The following LONRF2 variants were observed in gnomAD, a reference collection of about 807,000 sequenced individuals.
The protein encoded by LONRF2 is LON peptidase N-terminal domain and ring finger 2.
LONRF2 carries 35 observed loss-of-function variants against 66.6 expected under a neutral mutation model. That is an observed-to-expected ratio of 0.53 (90% CI 0.40 to 0.70). The LOEUF (loss-of-function observed/expected upper bound fraction) is 0.70. Ranked by LOEUF, LONRF2 falls within the 30% of genes least tolerant of loss-of-function variation. The pLI is 0.00. For synonymous variants in LONRF2, 417 were observed against 418.1 expected (o/e 1.00, Z 0.03); for missense variants, 902 against 1,002.1 (o/e 0.90, Z 1.35).
Position 100,284,257 on chromosome 2 carries a change from A to G in LONRF2, c.*41T>C, listed in dbSNP as rs1287880275. 1.4e-6 allele frequency: 2 copies of G among 1,450,090 alleles called. No homozygotes were observed. The highest frequency in any genetic ancestry group is 1.8e-6 in the Non-Finnish European group (2 of 1,092,448). 89.8% of individuals were successfully genotyped at this position (1,450,090 alleles called of 1,614,324 possible). A position where few individuals can be genotyped will look rare whatever the true frequency, so the allele number is the denominator to read the frequency against. On this transcript the variant is annotated 3_prime_UTR_variant, in exon 12 of 12. Coordinates refer to ENST00000393437, the MANE Select transcript of LONRF2 (RefSeq NM_198461.4). ...CTATTCGTCCATGCCTGACATTTAT[A>G]AAAGCACAAGGGCTGCCAGAAACCT...
At position 100,321,476 on chromosome 2, in the gene LONRF2, G is replaced by A; in HGVS notation, c.618C>T (p.Ser206=). 2 of 1,514,404 alleles carry A rather than the reference G, an allele frequency of 1.3e-6. No individual in the cohort carries two copies. Among genetic ancestry groups the A allele is most frequent in the East Asian group, 2.7e-5 (1 of 36,576 alleles). The allele number at this position is 1,514,404 out of a possible 1,614,324, so 93.8% of individuals were successfully genotyped here. A position where few individuals can be genotyped will look rare whatever the true frequency, so the allele number is the denominator to read the frequency against. Residue 206 remains serine (S), a synonymous_variant, in exon 1 of 12, where the codon AGC becomes AGT. Coordinates refer to ENST00000393437, the MANE Select transcript of LONRF2 (RefSeq NM_198461.4). ...RLRRLAGQAR[S]LQRQQQPEAA... is the part of the protein sequence containing the mutation. ...CCTCCGGCTGCTGCTGGCGCTGCAG[G>A]CTCCGCGCCTGGCCTGCCAGCCTGC...
chr2:100,302,581 A>G (rs1312061845), intron 3 of LONRF2, among the ~76,000 whole-genome samples: 1 of 152,218 alleles, frequency 6.6e-6, no homozygotes, highest in African/African-American at 2.4e-5. Flanking sequence ...CACCCTATAG[A>G]GCCGAATTGA....
chr2:100,275,126 T>C lies in LONRF2; in HGVS notation c.*9172A>G, dbSNP rs965634182. The C allele has an allele frequency of 1.3e-5, 2 of 152,200 alleles. No individual in the cohort carries two copies. Among genetic ancestry groups the C allele is most frequent in the African/African-American group, 4.8e-5 (2 of 41,448 alleles). 9.4% of individuals were successfully genotyped at this position (152,200 alleles called of 1,614,324 possible). Reference sequence around the variant, plus strand: ...AGTGTCTGTGACAGTCCAGCCTAAATTATAAGAGGACTGAGCTCATTCAGT... The same window carrying C: ...AGTGTCTGTGACAGTCCAGCCTAAACTATAAGAGGACTGAGCTCATTCAGT... On this transcript the variant is annotated 3_prime_UTR_variant, in exon 12 of 12. Transcript: ENST00000393437.
intron 1 of LONRF2, among the ~76,000 whole-genome samples, chr2:100,319,528 G>A (rs1225540945): frequency 6.6e-6 from 1 of 152,054 alleles, no homozygotes; most frequent in Non-Finnish European, 1.5e-5. Flanking sequence ...TCCCCCCAAG[G>A]TAACCATTGT....
At chr2:100,299,425 C>A in intron 5 of LONRF2, 106 bp from the exon 6 acceptor site, 1 of 660,494 alleles carries the variant, frequency 1.5e-6, no homozygotes. Context: ...ATCAATGTAA[C>A]AAATCACACT....
intron 6 of LONRF2, 41 bp from the exon 7 acceptor site, chr2:100,298,991 C>T (rs1202548251): frequency 2.0e-6 from 3 of 1,477,146 alleles, no homozygotes; most frequent in Non-Finnish European, 2.8e-6. Context: ...ATGTCCAGGA[C>T]AGACTTTCAA....
At chr2:100,298,759 C>T (rs1675120116) in intron 7 of LONRF2, 77 bp downstream of exon 7, 7 of 1,032,634 alleles carry the variant, frequency 6.8e-6, no homozygotes, top group Non-Finnish European at 1.1e-5. Flanking sequence ...GTGGGGGAAG[C>T]AACACGAGAC....
At chr2:100,303,418 C>T (rs760796617) in intron 2 of LONRF2, among the ~76,000 whole-genome samples, 34 of 152,176 alleles carry the variant, frequency 2.2e-4, no homozygotes, top group Non-Finnish European at 3.2e-4. Context: ...AAGACAGACA[C>T]GACTAAAAAC....
At chr2:100,320,501 G>T (rs1005484359) in intron 1 of LONRF2, among the ~76,000 whole-genome samples, 33 of 152,254 alleles carry the variant, frequency 2.2e-4, no homozygotes, top group African/African-American at 7.5e-4. Context: ...TTCTAAAAGG[G>T]AAAACCTTAA....
intron 3 of LONRF2, 73 bp from the exon 4 acceptor site, chr2:100,300,860 A>C: frequency 8.3e-7 from 1 of 1,208,826 alleles, no homozygotes; most frequent in Non-Finnish European, 1.1e-6. Context: ...TGTCTTATAG[A>C]TTCAGAGGAA....
At chr2:100,297,736 A>G (rs1249000386) in intron 7 of LONRF2, among the ~76,000 whole-genome samples, 2 of 152,208 alleles carry the variant, frequency 1.3e-5, no homozygotes, top group Non-Finnish European at 2.9e-5. Flanking sequence ...ACTGTGACAC[A>G]CAGCGCACAG....
chr2:100,276,613 A>C lies in LONRF2; in HGVS notation c.*7685T>G, dbSNP rs531415311. The C allele has an allele frequency of 6.6e-6, 1 of 152,322 alleles. No individual in the cohort carries two copies. The highest frequency in any genetic ancestry group is 2.1e-4 in the South Asian group (1 of 4,826). 9.4% of individuals were successfully genotyped at this position (152,322 alleles called of 1,614,324 possible). ...GATTATACCCTTGTTTCTCCATTGA[A>C]CAGCCCAATCTTTCCTATCCTTAAA... On this transcript the variant is annotated 3_prime_UTR_variant, in exon 12 of 12. Transcript: ENST00000393437.
chr2:100,285,430 T>C (rs1368007052), intron 11 of LONRF2, among the ~76,000 whole-genome samples: 1 of 152,106 alleles, frequency 6.6e-6, no homozygotes, highest in Admixed American at 6.5e-5. Context: ...AGAAAAAAAC[T>C]GAGTAGCACG....
Position 100,276,591 on chromosome 2 carries a change from T to G in LONRF2, c.*7707A>C, listed in dbSNP as rs1172463815. 2 of 152,186 alleles carry G rather than the reference T, an allele frequency of 1.3e-5. No individual in the cohort carries two copies. The highest frequency in any genetic ancestry group is 3.8e-4 in the East Asian group (2 of 5,204). The allele number at this position is 152,186 out of a possible 1,614,324, so 9.4% of individuals were successfully genotyped here. A position where few individuals can be genotyped will look rare whatever the true frequency, so the allele number is the denominator to read the frequency against. On this transcript the variant is annotated 3_prime_UTR_variant, in exon 12 of 12. Coordinates refer to ENST00000393437, the MANE Select transcript of LONRF2 (RefSeq NM_198461.4). ...ACTTACTAATTAATAAAGGGGTGAT[T>G]ATACCCTTGTTTCTCCATTGAACAG...
intron 9 of LONRF2, among the ~76,000 whole-genome samples, chr2:100,291,733 T>C (rs1674963611): frequency 6.6e-6 from 1 of 152,008 alleles, no homozygotes; most frequent in Non-Finnish European, 1.5e-5. Context: ...TCACAGCCCC[T>C]ACCTCTGCAT....
intron 9 of LONRF2, among the ~76,000 whole-genome samples, chr2:100,292,534 C>T (rs7556910): frequency 0.28 from 43,101 of 152,118 alleles, 7,170 homozygotes; most frequent in East Asian, 0.46. Context: ...TCAAGAAATA[C>T]ATGTTCTGTG....
rs1395867694 is a variant in LONRF2, at chr2:100,281,865, G to A, written c.*2433C>T. On this transcript the variant is annotated 3_prime_UTR_variant, in exon 12 of 12. Coordinates refer to ENST00000393437, the MANE Select transcript of LONRF2 (RefSeq NM_198461.4). ...CAGACCGTTCTGCTTTAGCTTAATT[G>A]GTAGCAAACTGAAGCTGGGGTTTTT... 6.6e-6 allele frequency: 1 copy of A among 151,984 alleles called. No homozygotes were observed. Among genetic ancestry groups the A allele is most frequent in the Non-Finnish European group, 1.5e-5 (1 of 67,992 alleles). The allele number at this position is 151,984 out of a possible 1,614,324, so 9.4% of individuals were successfully genotyped here.
chr2:100,312,671 C>A (rs1176729237), intron 1 of LONRF2, among the ~76,000 whole-genome samples: 1 of 152,214 alleles, frequency 6.6e-6, no homozygotes, highest in African/African-American at 2.4e-5. Flanking sequence ...GGCCAAGAAA[C>A]AATCACTTCT....
chr2:100,287,081 C>G lies in LONRF2; in HGVS notation c.1921-18G>C, dbSNP rs1178434203. On this transcript the variant is annotated intron_variant, in intron 10 of 11. Transcript: ENST00000393437. The stretch of plus-strand genomic sequence containing the variant: ...CCCTCCACCTGATCAGGGAAAGAGG[C>G]ACAGCTGTGTGAACCATTCACAGTA... 3.7e-6 allele frequency: 6 copies of G among 1,611,756 alleles called. No individual in the cohort carries two copies. The highest frequency in any genetic ancestry group is 5.1e-6 in the Non-Finnish European group (6 of 1,178,888).
Sources: allele counts gnomAD v4.1 joint callset (sites outside exome capture counted in the v4.1 genomes callset), GRCh38; gene constraint gnomAD v4.1.1; transcripts MANE v1.5; gene names NCBI Gene and HGNC (gene_info 2026-07-23, HGNC 2026-07-21).